The following FGL1 variants were observed in gnomAD, a reference collection of about 807,000 sequenced individuals.
The protein encoded by FGL1 is fibrinogen-like protein 1.
In FGL1, 59 loss-of-function variants were observed where a neutral mutation model predicts 43.7. The ratio of observed to expected loss-of-function variants is 1.35; its 90% CI spans 1.10 to 1.68. FGL1 has a LOEUF of 1.68. FGL1 is among the 40% of genes most tolerant of loss of function. The pLI, the probability that FGL1 is intolerant of heterozygous loss-of-function variation, is 0.00. For synonymous variants in FGL1, 192 were observed against 126.5 expected (o/e 1.52, Z -3.48); for missense variants, 596 against 373.0 (o/e 1.60, Z -4.92).
At chr8:17,877,083 T>C (rs1403956218) in intron 3 of FGL1, among the ~76,000 whole-genome samples, 1 of 152,072 alleles carries the variant, frequency 6.6e-6, no homozygotes, top group East Asian at 1.9e-4. Flanking sequence ...GAGACTTAAA[T>C]CGTAACAGCA....
At chr8:17,879,894 A>T (rs2053509241) in intron 3 of FGL1, among the ~76,000 whole-genome samples, 1 of 152,128 alleles carries the variant, frequency 6.6e-6, no homozygotes, top group African/African-American at 2.4e-5. Context: ...GTCTGTGCCA[A>T]TAACCTGCTC....
At chr8:17,888,645 T>A (rs2053662979) in intron 1 of FGL1, among the ~76,000 whole-genome samples, 1 of 152,220 alleles carries the variant, frequency 6.6e-6, no homozygotes, top group Non-Finnish European at 1.5e-5. Flanking sequence ...TTGGGAACAC[T>A]CCTTATTCAT....
intron 1 of FGL1, among the ~76,000 whole-genome samples, chr8:17,889,992 T>G (rs35435279): frequency 6.4e-4 from 98 of 152,356 alleles, no homozygotes; most frequent in African/African-American, 2.2e-3. Flanking sequence ...ATATCAATGC[T>G]GCCTCCCATG....
At position 17,881,913 on chromosome 8, in the gene FGL1, G is replaced by C. The variant is rs528960281; in HGVS notation, c.244+86C>G. On this transcript the variant is annotated intron_variant, in intron 3 of 7. Transcript: ENST00000427924. The stretch of plus-strand genomic sequence containing the variant: ...CTTCATATTGCTTGTTACTGAAATA[G>C]GAAAAGCCTGAAATAACTAGCACCA... 5.4e-5 allele frequency: 60 copies of C among 1,108,832 alleles called. 1 individual carries two copies. The highest frequency in any genetic ancestry group is 1.4e-4 in the Admixed American group (6 of 43,834). 68.7% of individuals were successfully genotyped at this position (1,108,832 alleles called of 1,614,324 possible).
At chr8:17,881,323 G>C (rs2053532065) in intron 3 of FGL1, among the ~76,000 whole-genome samples, 1 of 151,632 alleles carries the variant, frequency 6.6e-6, no homozygotes, top group South Asian at 2.1e-4. Context: ...TTTTAGTAGA[G>C]ATGGGGTTTC....
chr8:17,881,833 C>G (rs1437073992), intron 3 of FGL1, among the ~76,000 whole-genome samples, 166 bp downstream of exon 3: 1 of 103,316 alleles, frequency 9.7e-6, no homozygotes. Context: ...GACTCCGCCT[C>G]AAAAAAAAAA....
At chr8:17,883,579 T>C (rs1563458607) in intron 2 of FGL1, among the ~76,000 whole-genome samples, 2 of 136,628 alleles carry the variant, frequency 1.5e-5, no homozygotes, top group Non-Finnish European at 3.0e-5. Flanking sequence ...TATTTATACA[T>C]AATATACGTA....
chr8:17,873,677 A>G (rs1037675670), intron 5 of FGL1, among the ~76,000 whole-genome samples: 1 of 133,334 alleles, frequency 7.5e-6, no homozygotes, highest in African/African-American at 2.8e-5. Flanking sequence ...TATATTCTAT[A>G]TATATCTATA....
At chr8:17,869,568 T>A (rs182964154) in intron 5 of FGL1, among the ~76,000 whole-genome samples, 1 of 152,328 alleles carries the variant, frequency 6.6e-6, no homozygotes, top group Admixed American at 6.5e-5. Context: ...TGAATCCTAA[T>A]TGTTATCCGA....
In FGL1 at chr8:17,895,315, C is replaced by A. The variant is rs188305947; in HGVS notation, c.-18+132G>T. 1.6e-4 allele frequency: 179 copies of A among 1,122,630 alleles called. 2 individuals carry two copies. In the South Asian group the frequency reaches 2.7e-3, roughly 17 times the overall value. 69.5% of individuals were successfully genotyped at this position (1,122,630 alleles called of 1,614,324 possible). On this transcript the variant is annotated intron_variant, in intron 1 of 7. Coordinates refer to ENST00000427924, the MANE Select transcript of FGL1 (RefSeq NM_004467.4). ...CTCTTCTCCAAGTAGCAGAAGCAGA[C>A]TCCTTGCTAGTCAACCTGACTTCTT...
chr8:17,892,838 G>C (rs906703911), intron 1 of FGL1, among the ~76,000 whole-genome samples: 1 of 152,096 alleles, frequency 6.6e-6, no homozygotes, highest in Non-Finnish European at 1.5e-5. Flanking sequence ...TTTTTTATTT[G>C]ATTAAAGTTT....
rs577782079 is a variant in FGL1, at chr8:17,889,664, C to T, written c.-17-4093G>A. ...AGCACAAGGATGCTTATGATTTCTC[C>T]AGGACCATTCAGCCTCTGGGGATAT... On this transcript the variant is annotated intron_variant, in intron 1 of 7. Coordinates refer to ENST00000427924, the MANE Select transcript of FGL1 (RefSeq NM_004467.4). Among the ~76,000 whole-genome samples the T allele has an allele frequency of 2.6e-5, 4 of 152,324 alleles. No individual in the cohort carries two copies. In the South Asian group the frequency reaches 8.3e-4, roughly 32 times the overall value.
chr8:17,870,289 T>C (rs577871901), intron 5 of FGL1, among the ~76,000 whole-genome samples: 4 of 152,280 alleles, frequency 2.6e-5, no homozygotes, highest in African/African-American at 9.6e-5. Flanking sequence ...TTAAAATAAT[T>C]GCTACCTTCA....
At chr8:17,877,611 A>G (rs112739869) in intron 3 of FGL1, among the ~76,000 whole-genome samples, 889 of 76,788 alleles carry the variant, frequency 0.012, 16 homozygotes, top group African/African-American at 0.037. Context: ...AGGCAACATA[A>G]GGAAAAAAAA....
chr8:17,869,118 G>C, intron 5 of FGL1, 114 bp from the exon 6 acceptor site: 1 of 609,890 alleles, frequency 1.6e-6, no homozygotes, highest in Non-Finnish European at 2.8e-6. Context: ...CCTTGGCCAA[G>C]AATCAGTTTT....
intron 2 of FGL1, 128 bp downstream of exon 2, chr8:17,885,364 C>T: frequency 2.7e-6 from 2 of 742,448 alleles, no homozygotes; most frequent in South Asian, 1.8e-5. Context: ...TTCTACCAGC[C>T]TCTTTGCTTT....
chr8:17,865,563 A>G (rs1188882128), intron 7 of FGL1, among the ~76,000 whole-genome samples: 1 of 152,186 alleles, frequency 6.6e-6, no homozygotes, highest in African/African-American at 2.4e-5. Context: ...AATTTTTTAC[A>G]TATATTGCAC....
chr8:17,869,587 G>A lies in FGL1; in HGVS notation c.503-583C>T, dbSNP rs144742513. Among the ~76,000 whole-genome samples, 95 of 152,248 alleles carry A rather than the reference G, an allele frequency of 6.2e-4. No homozygotes were observed. In the East Asian group the frequency reaches 0.017, roughly 27 times the overall value. On this transcript the variant is annotated intron_variant, in intron 5 of 7. Transcript: ENST00000427924. Reference sequence around the variant, plus strand: ...TCCTAATTGTTATCCGAAAACCTTCGTTTGATACTGGCTCATAAGATCAAG... The same window carrying A: ...TCCTAATTGTTATCCGAAAACCTTCATTTGATACTGGCTCATAAGATCAAG...
intron 3 of FGL1, among the ~76,000 whole-genome samples, chr8:17,880,424 A>G (rs908374940): frequency 2.0e-5 from 3 of 152,236 alleles, no homozygotes; most frequent in Non-Finnish European, 4.4e-5. Flanking sequence ...CAGAAAATAA[A>G]CATGTTTCTA....
Sources: allele counts gnomAD v4.1 joint callset (sites outside exome capture counted in the v4.1 genomes callset), GRCh38; gene constraint gnomAD v4.1.1; transcripts MANE v1.5; gene names NCBI Gene and HGNC (gene_info 2026-07-23, HGNC 2026-07-21).